Variants in SCN11A observed in about 807,000 individuals in gnomAD.
SCN11A encodes sodium channel protein type 11 subunit alpha.
Under a neutral mutation model 162.2 loss-of-function variants are expected in SCN11A, and 122 were observed. That is an observed-to-expected ratio of 0.75 (90% CI 0.65 to 0.87). SCN11A has a LOEUF of 0.87. Ranked by LOEUF, SCN11A falls within the 40% of genes least tolerant of loss-of-function variation. SCN11A has a pLI of 0.00. For synonymous variants in SCN11A, 758 were observed against 751.5 expected (o/e 1.01, Z -0.14); for missense variants, 2,015 against 2,181.6 (o/e 0.92, Z 1.52).
chr3:38,981,429 A>C (rs2030031847), intron 2 of SCN11A, among the ~76,000 whole-genome samples: 1 of 152,110 alleles, frequency 6.6e-6, no homozygotes, highest in East Asian at 1.9e-4. Flanking sequence ...CTGTGAGGAG[A>C]GAAGGACTGA....
intron 19 of SCN11A, among the ~76,000 whole-genome samples, chr3:38,889,808 AAAATAAAAT>A (rs2065467085): frequency 4.5e-5 from 1 of 22,290 alleles, no homozygotes; most frequent in South Asian, 1.2e-3. Context: ...TCAAAAAAAT[AAAATAAAAT>A]AAAATAAAAT....
intron 2 of SCN11A, among the ~76,000 whole-genome samples, chr3:38,970,395 C>A (rs1575342104): frequency 6.6e-6 from 1 of 152,182 alleles, no homozygotes; most frequent in East Asian, 1.9e-4. Flanking sequence ...TATGCCCTCT[C>A]CAAAATAAAT....
At chr3:38,947,663 A>G (rs2066538590) in intron 5 of SCN11A, among the ~76,000 whole-genome samples, 1 of 152,158 alleles carries the variant, frequency 6.6e-6, no homozygotes, top group African/African-American at 2.4e-5. Flanking sequence ...AAGAACACTG[A>G]ACCTCTGCCC....
chr3:38,993,838 A>T (rs962548833), intron 2 of SCN11A, among the ~76,000 whole-genome samples: 2 of 152,148 alleles, frequency 1.3e-5, no homozygotes, highest in African/African-American at 4.8e-5. Context: ...TGCCTCCTGC[A>T]TGCAGGGAAC....
intron 9 of SCN11A, among the ~76,000 whole-genome samples, chr3:38,924,943 G>C (rs1005347796): frequency 4.6e-5 from 7 of 151,688 alleles, no homozygotes; most frequent in African/African-American, 7.3e-5. Flanking sequence ...CCATATATCT[G>C]CTTGTGTCAC....
intron 7 of SCN11A, among the ~76,000 whole-genome samples, chr3:38,941,037 T>C (rs1406924811): frequency 6.6e-6 from 1 of 152,148 alleles, no homozygotes; most frequent in Non-Finnish European, 1.5e-5. Context: ...CTGCAATGCA[T>C]AAGAATTATG....
rs146726572 is a variant in SCN11A at position 39,038,209 on chromosome 3, T to A, written c.-403-5706A>T. ...CATTTATTGTTTCACACAGTTTCTG[T>A]AGTTCAGGAATTCAGGAGCAGTTTA... is the stretch of plus-strand genomic sequence containing the variant. On this transcript the variant is annotated intron_variant, in intron 1 of 29. Coordinates refer to ENST00000302328, the MANE Select transcript of SCN11A (RefSeq NM_001349253.2). 4.6e-5 allele frequency among the ~76,000 whole-genome samples: 7 copies of A among 152,340 alleles called. No individual in the cohort carries two copies. In the East Asian group the frequency reaches 9.6e-4, roughly 21 times the overall value.
chr3:38,923,046 T>C (rs2066079677), intron 9 of SCN11A, among the ~76,000 whole-genome samples: 1 of 152,092 alleles, frequency 6.6e-6, no homozygotes, highest in East Asian at 1.9e-4. Flanking sequence ...GGGTGTGCTA[T>C]AATAACCTCA....
chr3:38,944,332 C>CT (rs2066483559), intron 7 of SCN11A, among the ~76,000 whole-genome samples: 3 of 151,406 alleles, frequency 2.0e-5, no homozygotes, highest in African/African-American at 4.9e-5. Context: ...CTAGAAAATC[C>CT]ATTTTTTTTT....
At chr3:38,997,791 A>C (rs929098952) in intron 2 of SCN11A, among the ~76,000 whole-genome samples, 6 of 152,256 alleles carry the variant, frequency 3.9e-5, no homozygotes, top group African/African-American at 1.4e-4. Context: ...AGAAAGGAGC[A>C]TAGGCCTTAG....
intron 21 of SCN11A, among the ~76,000 whole-genome samples, chr3:38,884,714 A>G (rs1305280533): frequency 6.6e-6 from 1 of 152,232 alleles, no homozygotes; most frequent in African/African-American, 2.4e-5. Context: ...GCCTGCATTT[A>G]TTGATTGCTT....
At chr3:38,895,917 C>G (rs1227958932) in intron 18 of SCN11A, among the ~76,000 whole-genome samples, 1 of 152,164 alleles carries the variant, frequency 6.6e-6, no homozygotes, top group Non-Finnish European at 1.5e-5. Context: ...TAGGATAAAG[C>G]TATCGTGTGT....
intron 28 of SCN11A, 33 bp downstream of exon 28, chr3:38,863,162 T>C (rs1251475950): frequency 1.7e-6 from 2 of 1,203,644 alleles, no homozygotes; most frequent in African/African-American, 3.0e-5. Context: ...ACTCAACTGT[T>C]CTACATATTT....
At chr3:38,994,573 A>T (rs540222003) in intron 2 of SCN11A, among the ~76,000 whole-genome samples, 42 of 152,266 alleles carry the variant, frequency 2.8e-4, no homozygotes, top group African/African-American at 1.0e-3. Context: ...ATCAGAGATA[A>T]GCATGTAGGT....
intron 2 of SCN11A, among the ~76,000 whole-genome samples, chr3:38,988,036 C>A (rs187284489): frequency 2.1e-5 from 3 of 141,918 alleles, no homozygotes; most frequent in African/African-American, 3.0e-5. Flanking sequence ...TTGTGGCGCC[C>A]GGTGCAAATG....
At chr3:38,852,953 T>C (rs1454408904) in intron 28 of SCN11A, among the ~76,000 whole-genome samples, 3 of 152,240 alleles carry the variant, frequency 2.0e-5, no homozygotes, top group Non-Finnish European at 1.5e-5. Context: ...CATTGAAGGC[T>C]TGATTGGTGA....
chr3:38,887,506 C>A (rs1470764095), intron 19 of SCN11A, among the ~76,000 whole-genome samples: 1 of 151,022 alleles, frequency 6.6e-6, no homozygotes, highest in South Asian at 2.1e-4. Context: ...TTAATGCGTG[C>A]AGCACACCAA....
rs550553338 is a variant in SCN11A, at chr3:38,905,792, C to T, written c.1474-471G>A. On this transcript the variant is annotated intron_variant, in intron 14 of 29. Coordinates refer to ENST00000302328, the MANE Select transcript of SCN11A (RefSeq NM_001349253.2). ...ACAACCGCCTATACGGTTTTTAAAA[C>T]GGTTGGTAACTAAAAAGAACAGTCC... 1.3e-4 allele frequency among the ~76,000 whole-genome samples: 20 copies of T among 152,278 alleles called. No homozygotes were observed. The South Asian group carries it at 3.3e-3, about 25-fold the overall frequency.
rs768568889 is a variant in SCN11A at position 38,907,956 on chromosome 3, T to C, written c.1466A>G (p.Gln489Arg). 2.5e-6 allele frequency: 4 copies of C among 1,599,444 alleles called. No homozygotes were observed. Among genetic ancestry groups the C allele is most frequent in the Non-Finnish European group, 3.4e-6 (4 of 1,176,350 alleles). ...PPGSDSDEDC[Q>R]KKPQLLEQTK... ...TCCCTGGAAAAGACTTACCTTTTTT[T>C]GGCAATCTTCATCAGAATCTGACCC... Residue 489 changes from glutamine to arginine, a missense_variant, in exon 14 of 30, where the codon CAA becomes CGA. Transcript: ENST00000302328.
Sources: allele counts gnomAD v4.1 joint callset (sites outside exome capture counted in the v4.1 genomes callset), GRCh38; gene constraint gnomAD v4.1.1; transcripts MANE v1.5; gene names NCBI Gene and HGNC (gene_info 2026-07-23, HGNC 2026-07-21).